TSHZ2: variants seen among roughly 807,000 people sequenced by gnomAD.
TSHZ2 encodes teashirt homolog 2.
A neutral mutation model predicts 74.4 loss-of-function variants in TSHZ2; 21 were observed. That is an observed-to-expected ratio of 0.28 (90% CI 0.20 to 0.41). The LOEUF is 0.41. Among genes scored for constraint, TSHZ2 ranks in the 10% least tolerant of loss-of-function variants. TSHZ2 has a pLI of 1.00. For missense variants in TSHZ2, 1,244 were observed against 1,293.5 expected, an observed-to-expected ratio of 0.96 and a Z score of 0.59; for synonymous variants, 540 against 515.3, an observed-to-expected ratio of 1.05 and a Z score of -0.65.
chr20:53,249,239 G>T (rs913454959), intron 1 of TSHZ2, among the ~76,000 whole-genome samples: 28 of 152,150 alleles, frequency 1.8e-4, no homozygotes, highest in Admixed American at 1.8e-3. Flanking sequence ...CCCACCAGAA[G>T]TACCAATTTC....
intron 1 of TSHZ2, among the ~76,000 whole-genome samples, chr20:52,987,480 CCT>C (rs542355484): frequency 9.3e-5 from 14 of 149,968 alleles, no homozygotes; most frequent in Admixed American, 2.0e-4. Context: ...CTTTCTCTCT[CCT>C]CTCTCTCTCT....
chr20:53,322,873 C>G (rs1979327112), intron 2 of TSHZ2, among the ~76,000 whole-genome samples: 1 of 152,218 alleles, frequency 6.6e-6, no homozygotes, highest in African/African-American at 2.4e-5. Context: ...TCACCCTGTT[C>G]TCTTCCTGGA....
chr20:53,384,873 A>G (rs1259683246), intron 2 of TSHZ2, among the ~76,000 whole-genome samples: 1 of 152,246 alleles, frequency 6.6e-6, no homozygotes, highest in Non-Finnish European at 1.5e-5. Context: ...CTGTAATCCC[A>G]GCACTTTGGG....
chr20:53,147,710 ATTTTGTTTTG>A (rs3070082), intron 1 of TSHZ2, among the ~76,000 whole-genome samples: 2 of 151,810 alleles, frequency 1.3e-5, no homozygotes, highest in African/African-American at 2.4e-5. Context: ...TGGTGGGTCT[ATTTTGTTTTG>A]TTTTGTTTTG....
intron 2 of TSHZ2, among the ~76,000 whole-genome samples, chr20:53,433,863 G>A (rs536435672): frequency 3.9e-5 from 6 of 152,142 alleles, no homozygotes; most frequent in Admixed American, 3.9e-4. Flanking sequence ...TAAATAAAAT[G>A]GGCTTTATGA....
intron 1 of TSHZ2, among the ~76,000 whole-genome samples, chr20:53,062,375 C>A (rs976753310): frequency 2.0e-5 from 3 of 152,076 alleles, no homozygotes; most frequent in Non-Finnish European, 4.4e-5. Flanking sequence ...AATTCTGAGG[C>A]AGTGCAAATT....
At chr20:53,425,659 G>C (rs1041287374) in intron 2 of TSHZ2, among the ~76,000 whole-genome samples, 1 of 152,168 alleles carries the variant, frequency 6.6e-6, no homozygotes, top group African/African-American at 2.4e-5. Flanking sequence ...AACCTCCATT[G>C]CAACTATTGA....
chr20:53,408,153 C>T (rs903278922), intron 2 of TSHZ2, among the ~76,000 whole-genome samples: 3 of 152,134 alleles, frequency 2.0e-5, no homozygotes, highest in Non-Finnish European at 2.9e-5. Flanking sequence ...CCCCTGAATC[C>T]GCCAGGTGGC....
At chr20:53,171,389 T>G (rs1988196955) in intron 1 of TSHZ2, among the ~76,000 whole-genome samples, 1 of 152,252 alleles carries the variant, frequency 6.6e-6, no homozygotes, top group Non-Finnish European at 1.5e-5. Flanking sequence ...TGCTTTTAAT[T>G]GCAATTATGG....
chr20:53,372,129 T>C (rs568152855), intron 2 of TSHZ2, among the ~76,000 whole-genome samples: 30 of 152,164 alleles, frequency 2.0e-4, no homozygotes, highest in African/African-American at 6.7e-4. Flanking sequence ...CCAAATAAGG[T>C]CACATTCTGA....
intron 2 of TSHZ2, among the ~76,000 whole-genome samples, chr20:53,355,576 ATAAG>A (rs1980815227): frequency 6.6e-6 from 1 of 152,214 alleles, no homozygotes; most frequent in South Asian, 2.1e-4. Flanking sequence ...GAGATATAAA[ATAAG>A]TAAGTGGTTC....
At chr20:53,440,868 A>G (rs1984285481) in intron 2 of TSHZ2, among the ~76,000 whole-genome samples, 1 of 152,254 alleles carries the variant, frequency 6.6e-6, no homozygotes, top group African/African-American at 2.4e-5. Flanking sequence ...AAACAAGACC[A>G]GCAAGTGCAA....
At chr20:53,163,451 ATTTTAT>A (rs1211133017) in intron 1 of TSHZ2, among the ~76,000 whole-genome samples, 6 of 88,676 alleles carry the variant, frequency 6.8e-5, no homozygotes, top group African/African-American at 2.9e-4. Context: ...ATTTTATTTT[ATTTTAT>A]TTTTTTTTAT....
chr20:53,116,402 C>T (rs1304314945), intron 1 of TSHZ2, among the ~76,000 whole-genome samples: 1 of 152,142 alleles, frequency 6.6e-6, no homozygotes, highest in Non-Finnish European at 1.5e-5. Flanking sequence ...CCACAGGCCA[C>T]CTCTCTGGGT....
At chr20:52,998,977 C>T (rs1253057250) in intron 1 of TSHZ2, among the ~76,000 whole-genome samples, 1 of 152,218 alleles carries the variant, frequency 6.6e-6, no homozygotes, top group Non-Finnish European at 1.5e-5. Flanking sequence ...TCCACACATT[C>T]AGCATTATAC....
At chr20:53,319,781 A>G (rs1214623599) in intron 2 of TSHZ2, among the ~76,000 whole-genome samples, 2 of 152,254 alleles carry the variant, frequency 1.3e-5, no homozygotes, top group African/African-American at 4.8e-5. Context: ...AATGAATGCA[A>G]TGCACTCACC....
intron 2 of TSHZ2, among the ~76,000 whole-genome samples, chr20:53,439,010 T>C (rs904020357): frequency 6.6e-6 from 1 of 152,144 alleles, no homozygotes; most frequent in African/African-American, 2.4e-5. Flanking sequence ...CAACAATTAT[T>C]TATGGCAGTT....
chr20:53,250,384 C>T (rs150505570), intron 1 of TSHZ2, among the ~76,000 whole-genome samples: 2 of 152,296 alleles, frequency 1.3e-5, no homozygotes, highest in East Asian at 1.9e-4. Flanking sequence ...ACTCAGATCA[C>T]CCCTGTTCTG....
chr20:53,365,527 T>G (rs754879234), intron 2 of TSHZ2, among the ~76,000 whole-genome samples: 11 of 152,220 alleles, frequency 7.2e-5, no homozygotes, highest in Non-Finnish European at 1.2e-4. Flanking sequence ...AAATGGAAAC[T>G]GACCAATACC....
Sources: gnomAD v4.1 joint callset for allele counts (sites outside exome capture counted in the v4.1 genomes callset) on GRCh38, gnomAD v4.1.1 for gene constraint, MANE v1.5 for transcripts, NCBI Gene and HGNC (gene_info 2026-07-23, HGNC 2026-07-21) for gene names.